The following CDH18 variants were observed in gnomAD, a reference collection of about 807,000 sequenced individuals.
CDH18 encodes the protein cadherin-18.
Under a neutral mutation model 67.9 loss-of-function variants are expected in CDH18, and 31 were observed. That is an observed-to-expected ratio of 0.46 (90% CI 0.34 to 0.62). The LOEUF is 0.62. Among genes scored for constraint, CDH18 ranks in the 20% least tolerant of loss-of-function variants. The pLI, the probability that CDH18 is intolerant of heterozygous loss-of-function variation, is 0.01. For synonymous variants in CDH18, 362 were observed against 347.2 expected, an observed-to-expected ratio of 1.04 and a Z score of -0.48; for missense variants, 890 against 975.5, an observed-to-expected ratio of 0.91 and a Z score of 1.17.
At chr5:20,294,500 G>T (rs1747340194) in intron 1 of CDH18, among the ~76,000 whole-genome samples, 1 of 152,174 alleles carries the variant, frequency 6.6e-6, no homozygotes, top group Non-Finnish European at 1.5e-5. Flanking sequence ...CTTATAGTTA[G>T]ATGTAATGGT....
intron 2 of CDH18, among the ~76,000 whole-genome samples, chr5:20,236,260 T>A (rs1742467633): frequency 6.6e-6 from 1 of 150,898 alleles, no homozygotes; most frequent in African/African-American, 2.4e-5. Flanking sequence ...AATATATAAA[T>A]AAAATTTAAA....
rs1279274554 is a variant in CDH18, at chr5:19,982,535, AAG to A, written c.-375-1359_-375-1358del. ...TTATTAAATTAATTTTAACTTATTA[AAG>A]AGTTTCTTCATTTTTGTGATATTTT... is the stretch of plus-strand genomic sequence containing the variant. On this transcript the variant is annotated intron_variant, in intron 1 of 12. Coordinates refer to ENST00000382275, the MANE Select transcript of CDH18 (RefSeq NM_004934.5). 3.9e-5 allele frequency among the ~76,000 whole-genome samples: 6 copies of A among 152,190 alleles called. No individual in the cohort carries two copies. In the East Asian group the frequency reaches 9.6e-4, roughly 24 times the overall value.
intron 2 of CDH18, among the ~76,000 whole-genome samples, chr5:19,978,192 C>T (rs1163999477): frequency 6.6e-6 from 1 of 151,998 alleles, no homozygotes; most frequent in Non-Finnish European, 1.5e-5. Context: ...CTCACATAAA[C>T]ACTAATAATA....
At chr5:19,640,800 GA>G (rs1753888906) in intron 5 of CDH18, among the ~76,000 whole-genome samples, 1 of 151,732 alleles carries the variant, frequency 6.6e-6, no homozygotes, top group Non-Finnish European at 1.5e-5. Context: ...AGAGTAAAAC[GA>G]AACCAACTAA....
At chr5:19,792,872 T>C (rs1776507783) in intron 3 of CDH18, among the ~76,000 whole-genome samples, 1 of 152,204 alleles carries the variant, frequency 6.6e-6, no homozygotes, top group Admixed American at 6.5e-5. Context: ...TTACTTCTAC[T>C]TTAGAAGAAG....
At position 20,173,352 on chromosome 5, in the gene CDH18, C is replaced by T. The variant is rs542965754; in HGVS notation, c.-518+82092G>A. On this transcript the variant is annotated intron_variant, in intron 2 of 14. Coordinates refer to the CDH18 transcript ENST00000507958. ...CAACGACCCAGTCCCAGTAAGTGATCTTGAAACTATGTTCCCATAAATACT... is the reference window on the plus strand; with the variant it reads ...CAACGACCCAGTCCCAGTAAGTGATTTTGAAACTATGTTCCCATAAATACT... 7.2e-5 allele frequency among the ~76,000 whole-genome samples: 11 copies of T among 152,240 alleles called. 2 individuals carry two copies. In the South Asian group the frequency reaches 2.3e-3, roughly 32 times the overall value.
At chr5:20,407,750 A>G (rs1425488990) in intron 1 of CDH18, among the ~76,000 whole-genome samples, 4 of 151,894 alleles carry the variant, frequency 2.6e-5, no homozygotes, top group Non-Finnish European at 5.9e-5. Flanking sequence ...CTTGAAGAAA[A>G]CATAAGGCAC....
At chr5:19,873,086 G>A (rs1786505228) in intron 2 of CDH18, among the ~76,000 whole-genome samples, 1 of 151,864 alleles carries the variant, frequency 6.6e-6, no homozygotes, top group African/African-American at 2.4e-5. Context: ...GTTTATTCTA[G>A]TTACATGTTA....
intron 2 of CDH18, among the ~76,000 whole-genome samples, chr5:20,238,847 G>T (rs1742670387): frequency 6.6e-6 from 1 of 151,984 alleles, no homozygotes; most frequent in Non-Finnish European, 1.5e-5. Context: ...AACATATAAA[G>T]GCTATGAATA....
intron 2 of CDH18, among the ~76,000 whole-genome samples, chr5:19,916,261 T>TA (rs1791779467): frequency 6.6e-6 from 1 of 152,170 alleles, no homozygotes; most frequent in Non-Finnish European, 1.5e-5. Flanking sequence ...CCTCCTGTCT[T>TA]ACTAGTTTCC....
At chr5:20,011,813 G>A (rs1469386609) in intron 2 of CDH18, among the ~76,000 whole-genome samples, 3 of 152,084 alleles carry the variant, frequency 2.0e-5, no homozygotes, top group African/African-American at 7.2e-5. Flanking sequence ...TGATTGTGGT[G>A]GATGAGCCCT....
At position 20,528,842 on chromosome 5, in the gene CDH18, C is replaced by A. The variant is rs543552774; in HGVS notation, c.-580+46620G>T. ...CATCACAACTAAAAGAACTAGAGAACCAAGAACAAACAAACCCCAGAGTTA... is the reference window on the plus strand; with the variant it reads ...CATCACAACTAAAAGAACTAGAGAAACAAGAACAAACAAACCCCAGAGTTA... On this transcript the variant is annotated intron_variant, in intron 1 of 14. Transcript: ENST00000507958. 4.6e-5 allele frequency among the ~76,000 whole-genome samples: 7 copies of A among 151,818 alleles called. No individual in the cohort carries two copies. In the South Asian group the frequency reaches 1.5e-3, roughly 32 times the overall value.
At chr5:20,203,443 A>G (rs1020989419) in intron 2 of CDH18, among the ~76,000 whole-genome samples, 2 of 152,104 alleles carry the variant, frequency 1.3e-5, no homozygotes, top group East Asian at 1.9e-4. Context: ...CAGCTTTACA[A>G]CACTGCCAAT....
intron 2 of CDH18, among the ~76,000 whole-genome samples, chr5:20,111,138 G>C (rs766020765): frequency 1.3e-5 from 2 of 152,120 alleles, no homozygotes; most frequent in Non-Finnish European, 2.9e-5. Context: ...ATGTAATAGT[G>C]AAACTTTTTA....
intron 10 of CDH18, among the ~76,000 whole-genome samples, chr5:19,504,937 T>C (rs1743855316): frequency 6.6e-6 from 1 of 152,162 alleles, no homozygotes; most frequent in Non-Finnish European, 1.5e-5. Context: ...TTTTCTTTAC[T>C]ATACATTTCA....
At chr5:19,932,310 G>A (rs771199618) in intron 2 of CDH18, among the ~76,000 whole-genome samples, 8 of 151,740 alleles carry the variant, frequency 5.3e-5, no homozygotes, top group Non-Finnish European at 8.8e-5. Flanking sequence ...ATATTTTGCA[G>A]AGAATCTAAA....
At chr5:20,305,468 G>C in intron 1 of CDH18, 1 of 1,355,906 alleles carries the variant, frequency 7.4e-7, no homozygotes, top group South Asian at 1.2e-5. Context: ...CCTCCTCAGC[G>C]GCCGCCGCTG....
At chr5:20,369,989 G>A (rs550222077) in intron 1 of CDH18, among the ~76,000 whole-genome samples, 5 of 152,088 alleles carry the variant, frequency 3.3e-5, no homozygotes, top group Admixed American at 6.5e-5. Flanking sequence ...TAAGCCCAGC[G>A]TCAATTAGCT....
chr5:20,139,099 C>CACTGGT, intron 2 of CDH18, among the ~76,000 whole-genome samples: 1 of 152,054 alleles, frequency 6.6e-6, no homozygotes, highest in African/African-American at 2.4e-5. Flanking sequence ...AACAGCATGA[C>CACTGGT]ACTGGTACCA....
Sources: allele counts gnomAD v4.1 joint callset (sites outside exome capture counted in the v4.1 genomes callset), GRCh38; gene constraint gnomAD v4.1.1; transcripts MANE v1.5; gene names NCBI Gene and HGNC (gene_info 2026-07-23, HGNC 2026-07-21).